Variants in TNKS observed in about 807,000 individuals in gnomAD.
The protein encoded by TNKS is tankyrase, also known as poly [ADP-ribose] polymerase tankyrase-1.
Under a neutral mutation model 135.8 loss-of-function variants are expected in TNKS, and 72 were observed. The observed-to-expected ratio is 0.53, with a 90% CI of 0.44 to 0.64. The LOEUF is 0.64. Ranked by LOEUF, TNKS falls within the 30% of genes least tolerant of loss-of-function variation. The pLI is 0.00. For synonymous variants in TNKS, 849 were observed against 649.3 expected, an observed-to-expected ratio of 1.31 and a Z score of -4.68; for missense variants, 1,769 against 1,674.0, an observed-to-expected ratio of 1.06 and a Z score of -0.99.
At chr8:9,688,982 T>C (rs887825182) in intron 5 of TNKS, among the ~76,000 whole-genome samples, 1 of 152,268 alleles carries the variant, frequency 6.6e-6, no homozygotes, top group East Asian at 1.9e-4. Flanking sequence ...GGCACTAATC[T>C]TATCATGAGG....
Position 9,640,735 on chromosome 8 carries a change from G to T in TNKS, c.994+25058G>T, listed in dbSNP as rs1800695097. ...AGCTAGGTCATGTTGTTCTCTGGTTGGATCTGAACAATTTCATGGAATATA... is the reference window on the plus strand; with the variant it reads ...AGCTAGGTCATGTTGTTCTCTGGTTTGATCTGAACAATTTCATGGAATATA... On this transcript the variant is annotated intron_variant, in intron 3 of 26. Transcript: ENST00000310430. 4.8e-5 allele frequency among the ~76,000 whole-genome samples: 7 copies of T among 145,666 alleles called. No homozygotes were observed. In the South Asian group the frequency reaches 1.6e-3, roughly 32 times the overall value.
At chr8:9,742,266 CT>C (rs893983777) in intron 17 of TNKS, among the ~76,000 whole-genome samples, 2 of 147,798 alleles carry the variant, frequency 1.4e-5, no homozygotes, top group Non-Finnish European at 3.0e-5. Context: ...ATGACTGTTA[CT>C]TTTTTTTGGC....
chr8:9,631,623 C>T (rs978622362), intron 3 of TNKS, among the ~76,000 whole-genome samples: 1 of 152,144 alleles, frequency 6.6e-6, no homozygotes, highest in African/African-American at 2.4e-5. Flanking sequence ...TCATTCTAGT[C>T]TACAGAATTT....
chr8:9,629,832 A>G (rs556898690), intron 3 of TNKS, among the ~76,000 whole-genome samples: 4 of 152,122 alleles, frequency 2.6e-5, no homozygotes, highest in East Asian at 1.9e-4. Flanking sequence ...ACAGGCACCC[A>G]CCACCATGCC....
chr8:9,586,236 G>A (rs996590968), intron 2 of TNKS, among the ~76,000 whole-genome samples: 1 of 152,104 alleles, frequency 6.6e-6, no homozygotes, highest in Non-Finnish European at 1.5e-5. Context: ...TTTCTAAAAA[G>A]TCTCTAAGCA....
chr8:9,628,667 T>G (rs1800161686), intron 3 of TNKS, among the ~76,000 whole-genome samples: 1 of 152,160 alleles, frequency 6.6e-6, no homozygotes. Flanking sequence ...GAGTCCATTT[T>G]AAATGGCATC....
intron 3 of TNKS, among the ~76,000 whole-genome samples, chr8:9,619,012 T>G (rs1799759190): frequency 6.6e-6 from 1 of 152,228 alleles, no homozygotes; most frequent in African/African-American, 2.4e-5. Context: ...TTTGGTTTTT[T>G]GAGCGAATTC....
intron 26 of TNKS, among the ~76,000 whole-genome samples, chr8:9,770,664 T>G (rs1807776181): frequency 6.6e-6 from 1 of 152,184 alleles, no homozygotes; most frequent in Non-Finnish European, 1.5e-5. Context: ...TGAATGTAAG[T>G]GAACTTCAAA....
At chr8:9,568,937 G>A (rs1276692408) in intron 1 of TNKS, among the ~76,000 whole-genome samples, 3 of 152,154 alleles carry the variant, frequency 2.0e-5, no homozygotes, top group Non-Finnish European at 4.4e-5. Flanking sequence ...CCAGAAACGG[G>A]TATACCTGTA....
chr8:9,757,879 C>T (rs1806928107), intron 20 of TNKS, among the ~76,000 whole-genome samples: 2 of 152,162 alleles, frequency 1.3e-5, no homozygotes, highest in Non-Finnish European at 2.9e-5. Flanking sequence ...AATGAGCTAA[C>T]ATAAATCTGA....
intron 2 of TNKS, among the ~76,000 whole-genome samples, chr8:9,581,089 G>C (rs1470388929): frequency 6.6e-6 from 1 of 152,032 alleles, no homozygotes; most frequent in Non-Finnish European, 1.5e-5. Context: ...TGTTTGTTTA[G>C]CCATGGCAGG....
intron 5 of TNKS, among the ~76,000 whole-genome samples, chr8:9,700,388 T>C (rs1443043711): frequency 6.6e-6 from 1 of 152,230 alleles, no homozygotes; most frequent in Non-Finnish European, 1.5e-5. Flanking sequence ...TCCCTAGCAC[T>C]TAACGTGGTG....
intron 1 of TNKS, chr8:9,558,427 A>G (rs1166197371): frequency 1.3e-5 from 2 of 152,190 alleles, no homozygotes; most frequent in Non-Finnish European, 2.9e-5. Context: ...TGAAAGGCCT[A>G]AGTCTGATTT....
chr8:9,735,815 A>G (rs1365041525), intron 17 of TNKS, among the ~76,000 whole-genome samples: 1 of 152,064 alleles, frequency 6.6e-6, no homozygotes, highest in Non-Finnish European at 1.5e-5. Context: ...AAATAAATAA[A>G]TAAATAAAAT....
chr8:9,656,572 T>A lies in TNKS; in HGVS notation c.995-23379T>A, dbSNP rs549720445. 2.1e-3 allele frequency among the ~76,000 whole-genome samples: 316 copies of A among 150,544 alleles called. 2 individuals carry two copies. Among genetic ancestry groups the A allele is most frequent in the African/African-American group, 6.9e-3 (282 of 40,864 alleles). On this transcript the variant is annotated intron_variant, in intron 3 of 26. Transcript: ENST00000310430. The stretch of plus-strand genomic sequence containing the variant: ...AGAAACTCTGCAAGCCAGAAGAGAG[T>A]GGGGGCCAATATTCAACATTCTTAA...
intron 2 of TNKS, among the ~76,000 whole-genome samples, chr8:9,615,097 A>T (rs949123079): frequency 7.2e-5 from 11 of 152,092 alleles, no homozygotes; most frequent in African/African-American, 2.4e-4. Context: ...CCAGTATGTT[A>T]TGGTGAGTTT....
At chr8:9,761,494 C>G (rs754346836) in intron 20 of TNKS, 22 bp from the exon 21 acceptor site, 9 of 1,611,598 alleles carry the variant, frequency 5.6e-6, no homozygotes, top group South Asian at 5.5e-5. Flanking sequence ...GATATCCTAG[C>G]TAATTTTGTT....
intron 26 of TNKS, among the ~76,000 whole-genome samples, chr8:9,775,629 T>C (rs1563229975): frequency 6.6e-6 from 1 of 151,470 alleles, no homozygotes; most frequent in Non-Finnish European, 1.5e-5. Context: ...ATCCTTACTA[T>C]GCCAGACCTA....
At position 9,776,926 on chromosome 8, in the gene TNKS, C is replaced by G; in HGVS notation, c.*190C>G. The G allele has an allele frequency of 1.9e-6, 1 of 528,584 alleles. No individual in the cohort carries two copies. The highest frequency in any genetic ancestry group is 3.0e-5 in the East Asian group (1 of 33,636). The allele number at this position is 528,584 out of a possible 1,614,324, so 32.7% of individuals were successfully genotyped here. Reference sequence around the variant, plus strand: ...GATACATACTCAACTGCTACTGTTCCCTTTGAGGAAATGTTTACAGGGGCG... The same window carrying G: ...GATACATACTCAACTGCTACTGTTCGCTTTGAGGAAATGTTTACAGGGGCG... On this transcript the variant is annotated 3_prime_UTR_variant, in exon 27 of 27. Transcript: ENST00000310430.
Sources: allele counts gnomAD v4.1 joint callset (sites outside exome capture counted in the v4.1 genomes callset), GRCh38; gene constraint gnomAD v4.1.1; transcripts MANE v1.5; gene names NCBI Gene and HGNC (gene_info 2026-07-23, HGNC 2026-07-21).